The following TTF2 variants were observed in gnomAD, a reference collection of about 807,000 sequenced individuals.
The protein encoded by TTF2 is transcription termination factor 2, also known as RNA polymerase II termination factor.
A neutral mutation model predicts 142.4 loss-of-function variants in TTF2; 108 were observed. The observed-to-expected ratio is 0.76, with a 90% CI of 0.65 to 0.89. The LOEUF (loss-of-function observed/expected upper bound fraction) is 0.89, where lower values mean the gene tolerates loss of function less well. TTF2 is among the 40% of genes least tolerant of loss of function. TTF2 has a pLI of 0.00. For missense variants in TTF2, 1,327 were observed against 1,379.8 expected (o/e 0.96, Z 0.61); for synonymous variants, 483 against 506.2 (o/e 0.95, Z 0.61).
In TTF2 at chr1:117,096,252, C is replaced by G; in HGVS notation, c.3139C>G (p.Gln1047Glu). ...CATCGATGGCTCTGTCAATCCCAAG[C>G]AGAGAATGGACTTGGTAGAGGCATT... ...ATIDGSVNPK[Q>E]RMDLVEAFNH... The change falls in exon 20 of 23, where the codon CAG (glutamine) becomes GAG (glutamate). Residue 1047 changes from glutamine (Q) to glutamate (E), a missense_variant. Gln to Glu is a conservative substitution (Grantham distance 29). Coordinates refer to ENST00000369466, the MANE Select transcript of TTF2 (RefSeq NM_003594.4). The G allele has an allele frequency of 6.2e-7, 1 of 1,614,118 alleles. No homozygotes were observed. Among genetic ancestry groups the G allele is most frequent in the Non-Finnish European group, 8.5e-7 (1 of 1,180,012 alleles).
chr1:117,098,943 A>C, intron 22 of TTF2, 36 bp downstream of exon 22: 8 of 1,560,994 alleles, frequency 5.1e-6, no homozygotes, highest in South Asian at 1.2e-5. Flanking sequence ...GACCCTTCTC[A>C]ACTTGTACTT....
intron 3 of TTF2, among the ~76,000 whole-genome samples, chr1:117,068,552 A>G (rs1204838907): frequency 6.6e-6 from 1 of 152,176 alleles, no homozygotes; most frequent in Non-Finnish European, 1.5e-5. Context: ...ATAAAAAAAA[A>G]AAAAAGAAAA....
At position 117,088,877 on chromosome 1, in the gene TTF2, G is replaced by A. The variant is rs755457850; in HGVS notation, c.2237G>A (p.Arg746Gln). Residue 746 changes from arginine (R) to glutamine (Q), a missense_variant, in exon 13 of 23, where the codon CGA becomes CAA. Arg to Gln is a conservative substitution (Grantham distance 43, BLOSUM62 1). Transcript: ENST00000369466. ...LDEAHNVKNP[R>Q]VQTSIAVCKL... ...GAAGCTCACAATGTTAAGAATCCCC[G>A]AGTGCAGACTTCCATAGCTGTGTGT... is the stretch of plus-strand genomic sequence containing the variant. 9 of 1,614,052 alleles carry A rather than the reference G, an allele frequency of 5.6e-6. No individual in the cohort carries two copies. Among genetic ancestry groups the A allele is most frequent in the Admixed American group, 1.7e-5 (1 of 60,004 alleles).
At position 117,103,986 on chromosome 1, in the gene TTF2, A is replaced by G. The variant is rs986100284; in HGVS notation, c.*2462A>G. 1.3e-5 allele frequency: 2 copies of G among 151,728 alleles called. No individual in the cohort carries two copies. Among genetic ancestry groups the G allele is most frequent in the Non-Finnish European group, 2.9e-5 (2 of 67,984 alleles). 9.4% of individuals were successfully genotyped at this position (151,728 alleles called of 1,614,324 possible). ...AAAAAAAAAAAAGAGAGAGAAAAAAATCCTTACTTTCTCTACACTCTGATT... is the reference window on the plus strand; with the variant it reads ...AAAAAAAAAAAAGAGAGAGAAAAAAGTCCTTACTTTCTCTACACTCTGATT... On this transcript the variant is annotated 3_prime_UTR_variant, in exon 23 of 23. Coordinates refer to ENST00000369466, the MANE Select transcript of TTF2 (RefSeq NM_003594.4).
chr1:117,092,995 C>T lies in TTF2; in HGVS notation c.2976+94C>T. Reference sequence around the variant, plus strand: ...CTTCATTTGTCCAAGTGGGAACAGCCATTTGCCAGCAGAGCTAGAGCCGTT... The same window carrying T: ...CTTCATTTGTCCAAGTGGGAACAGCTATTTGCCAGCAGAGCTAGAGCCGTT... On this transcript the variant is annotated intron_variant, in intron 18 of 22. Coordinates refer to ENST00000369466, the MANE Select transcript of TTF2 (RefSeq NM_003594.4). The surrounding 1 kb of genome is among the most constrained non-coding windows in gnomAD (Gnocchi z 4.4). 4 of 1,422,744 alleles carry T rather than the reference C, an allele frequency of 2.8e-6. No individual in the cohort carries two copies. Among genetic ancestry groups the T allele is most frequent in the African/African-American group, 1.4e-5 (1 of 70,922 alleles). The allele number at this position is 1,422,744 out of a possible 1,614,324, so 88.1% of individuals were successfully genotyped here.
chr1:117,089,060 G>T, intron 13 of TTF2, 78 bp downstream of exon 13: 1 of 1,448,238 alleles, frequency 6.9e-7, no homozygotes, highest in Non-Finnish European at 9.3e-7. Context: ...TCATAATAAA[G>T]CCTTAGTATG....
In TTF2 at chr1:117,091,338, C is replaced by T; in HGVS notation, c.2599C>T (p.Gln867Ter). The T allele has an allele frequency of 6.2e-7, 1 of 1,612,786 alleles. No individual in the cohort carries two copies. ...TTTAATCTGAGGCAGGTCAGCTCTGCAATCCTATCTAAAAAGACATGAAAG... is the reference window on the plus strand; with the variant it reads ...TTTAATCTGAGGCAGGTCAGCTCTGTAATCCTATCTAAAAAGACATGAAAG... ...VFFARSRSAL[Q>*]SYLKRHESRG... Residue 867 changes from glutamine (Q) to a stop codon, truncating the protein, a stop_gained, in exon 16 of 23, where the codon CAA becomes TAA. Transcript: ENST00000369466. LOFTEE classifies it high-confidence loss of function.
Position 117,081,935 on chromosome 1 carries a change from C to T in TTF2, c.1891C>T (p.Leu631Phe), listed in dbSNP as rs1461322500. The T allele has an allele frequency of 6.2e-7, 1 of 1,614,134 alleles. No individual in the cohort carries two copies. Among genetic ancestry groups the T allele is most frequent in the Non-Finnish European group, 8.5e-7 (1 of 1,179,992 alleles). The change falls in exon 10 of 23, where the codon CTC (leucine) becomes TTC (phenylalanine). Residue 631 changes from leucine to phenylalanine, a missense_variant. Coordinates refer to ENST00000369466, the MANE Select transcript of TTF2 (RefSeq NM_003594.4). ...EKEKSTALTW[L>F]SKDDSCDFTS... is the part of the protein sequence containing the mutation. ...GGAGAAAAGCACAGCTTTGACGTGG[C>T]TCTCCAAAGATGGTAGACAGAAGTG...
intron 20 of TTF2, among the ~76,000 whole-genome samples, 173 bp downstream of exon 20, chr1:117,096,472 G>A (rs1649165530): frequency 6.6e-6 from 1 of 152,196 alleles, no homozygotes; most frequent in African/African-American, 2.4e-5. Flanking sequence ...CCGCCTCCCG[G>A]GTTCAAGCGA....
chr1:117,099,116 C>A lies in TTF2; in HGVS notation c.3344+209C>A, dbSNP rs1017701491. Among the ~76,000 whole-genome samples, 1 of 152,022 alleles carries A rather than the reference C, an allele frequency of 6.6e-6. No homozygotes were observed. The highest frequency in any genetic ancestry group is 1.5e-5 in the Non-Finnish European group (1 of 68,008). On this transcript the variant is annotated intron_variant, in intron 22 of 22. Coordinates refer to ENST00000369466, the MANE Select transcript of TTF2 (RefSeq NM_003594.4). This position sits in a 1 kb window ranked among gnomAD's most constrained non-coding sequence, Gnocchi z 4.3. Reference sequence around the variant, plus strand: ...GAAGTTGGTCACTGCAAAAGAAGAGCAAATTTGTGTATATGGTGAGGGCAG... The same window carrying A: ...GAAGTTGGTCACTGCAAAAGAAGAGAAAATTTGTGTATATGGTGAGGGCAG...
rs375677869 is a variant in TTF2, at chr1:117,095,265, A to C, written c.2977-44A>C. ...TGGCAGGTGAGGGGAGATGGAGAAA[A>C]GTGAATTGCTTAAACATACAATGTT... On this transcript the variant is annotated intron_variant, in intron 18 of 22. Transcript: ENST00000369466. 872 of 1,603,862 alleles carry C rather than the reference A, an allele frequency of 5.4e-4. 6 individuals are homozygous for C. Among genetic ancestry groups the C allele is most frequent in the Middle Eastern group, 3.6e-3 (22 of 6,032 alleles).
In TTF2 at chr1:117,101,581, G is replaced by A. The variant is rs2101276696; in HGVS notation, c.*57G>A. On this transcript the variant is annotated 3_prime_UTR_variant, in exon 23 of 23. Transcript: ENST00000369466. This position sits in a 1 kb window ranked among gnomAD's most constrained non-coding sequence, Gnocchi z 5.9. ...ATTGCTGGTTTGTATTAGGATCTGG[G>A]AATAACAACCTAACCATGAGCCTTG... 6.8e-7 allele frequency: 1 copy of A among 1,470,124 alleles called. No individual in the cohort carries two copies. Among genetic ancestry groups the A allele is most frequent in the East Asian group, 2.4e-5 (1 of 41,408 alleles). 91.1% of individuals were successfully genotyped at this position (1,470,124 alleles called of 1,614,324 possible).
chr1:117,071,148 T>C (rs950087466), intron 3 of TTF2, among the ~76,000 whole-genome samples: 2 of 151,656 alleles, frequency 1.3e-5, no homozygotes, highest in Non-Finnish European at 2.9e-5. Flanking sequence ...ACATGAGAAA[T>C]AAGGAGCTGC....
At position 117,100,056 on chromosome 1, in the gene TTF2, CTTCTTTTATTCATTGTTCTTTTGAGCA is replaced by C. The variant is rs1649462255; in HGVS notation, c.3344+1153_3344+1179del. On this transcript the variant is annotated intron_variant, in intron 22 of 22. Coordinates refer to ENST00000369466, the MANE Select transcript of TTF2 (RefSeq NM_003594.4). This position sits in a 1 kb window ranked among gnomAD's most constrained non-coding sequence, Gnocchi z 4.6. Reference sequence around the variant, plus strand: ...GTGTCCACATACTCATCTGTTATTCCTTCTTTTATTCATTGTTCTTTTGAGCATTCAGCCCATAAAACATACCTTTTG... The same window carrying C: ...GTGTCCACATACTCATCTGTTATTCCTTCAGCCCATAAAACATACCTTTTG... Among the ~76,000 whole-genome samples the C allele has an allele frequency of 6.6e-6, 1 of 152,184 alleles. No individual in the cohort carries two copies. Among genetic ancestry groups the C allele is most frequent in the South Asian group, 2.1e-4 (1 of 4,834 alleles).
chr1:117,076,170 T>G lies in TTF2; in HGVS notation c.1276-10T>G, dbSNP rs1297170129. The G allele has an allele frequency of 1.2e-6, 2 of 1,611,534 alleles. No homozygotes were observed. The highest frequency in any genetic ancestry group is 1.3e-5 in the African/African-American group (1 of 74,958). On this transcript the variant is annotated splice_polypyrimidine_tract_variant and intron_variant, in intron 5 of 22. Coordinates refer to ENST00000369466, the MANE Select transcript of TTF2 (RefSeq NM_003594.4). The surrounding 1 kb of genome is among the most constrained non-coding windows in gnomAD (Gnocchi z 4.6). ...GAGGAGAGATCCATTTGATGGAATC[T>G]GTTTTTCAGAGCACACTGGCATCAG...
In TTF2 at chr1:117,075,624, CTG is replaced by C; in HGVS notation, c.1041_1042del (p.Ala348HisfsTer4). The C allele has an allele frequency of 6.2e-7, 1 of 1,614,190 alleles. No individual in the cohort carries two copies. Among genetic ancestry groups the C allele is most frequent in the Non-Finnish European group, 8.5e-7 (1 of 1,180,034 alleles). On this transcript the variant is annotated frameshift_variant, in exon 5 of 23. Transcript: ENST00000369466. LOFTEE classifies it high-confidence loss of function. The surrounding 1 kb of genome is among the most constrained non-coding windows in gnomAD (Gnocchi z 4.5). ...CTTTCCCTGGGTGAGGGCCGTGAAG[CTG>C]CCACAAGCAGTGACGACGAGGAGGA...
At position 117,077,956 on chromosome 1, in the gene TTF2, C is replaced by T. The variant is rs1487231036; in HGVS notation, c.1614C>T (p.Ile538=). The change falls in exon 8 of 23, where the codon ATC becomes ATT. Residue 538 remains isoleucine (I), a synonymous_variant. Coordinates refer to ENST00000369466, the MANE Select transcript of TTF2 (RefSeq NM_003594.4). ...ATCACGTTCATGCAGTGTGGAAAAT[C>T]ACAAGTGAAGCCATCGGTCAACTGC... ...NQDHVHAVWK[I]TSEAIGQLHR... is the part of the protein sequence containing the mutation. 3 of 1,614,174 alleles carry T rather than the reference C, an allele frequency of 1.9e-6. No homozygotes were observed. The highest frequency in any genetic ancestry group is 1.6e-4 in the Middle Eastern group (1 of 6,062).
rs1647262747 is a variant in TTF2 at position 117,079,138 on chromosome 1, G to A, written c.1702-430G>A. ...GCATGTAATTCCAGCTAGTCGGGAG[G>A]CTAAGGCAGGAGAATTGCTTGAACC... is the stretch of plus-strand genomic sequence containing the variant. On this transcript the variant is annotated intron_variant, in intron 8 of 22. Coordinates refer to ENST00000369466, the MANE Select transcript of TTF2 (RefSeq NM_003594.4). The surrounding 1 kb of genome is among the most constrained non-coding windows in gnomAD (Gnocchi z 4.2). Among the ~76,000 whole-genome samples the A allele has an allele frequency of 6.6e-6, 1 of 152,176 alleles. No homozygotes were observed. Among genetic ancestry groups the A allele is most frequent in the South Asian group, 2.1e-4 (1 of 4,822 alleles).
intron 3 of TTF2, among the ~76,000 whole-genome samples, chr1:117,064,098 A>G (rs1193769100): frequency 6.6e-6 from 1 of 152,228 alleles, no homozygotes; most frequent in South Asian, 2.1e-4. Flanking sequence ...AAGTGGAATC[A>G]TAAAGTATAA....
Sources: gnomAD v4.1 joint callset for allele counts (sites outside exome capture counted in the v4.1 genomes callset) on GRCh38, gnomAD v4.1.1 for gene constraint, Gnocchi (gnomAD v3.1) non-coding constraint, MANE v1.5 for transcripts, NCBI Gene and HGNC (gene_info 2026-07-23, HGNC 2026-07-21) for gene names.